Variants in STK3 observed in about 807,000 individuals in gnomAD.
STK3 encodes the protein serine/threonine kinase 3, also known as serine/threonine-protein kinase 3.
A neutral mutation model predicts 58.0 loss-of-function variants in STK3; 41 were observed. The ratio of observed to expected loss-of-function variants is 0.71; its 90% CI spans 0.55 to 0.92. The LOEUF is 0.92. Ranked by LOEUF, STK3 falls within the 40% of genes least tolerant of loss-of-function variation. The probability of loss-of-function intolerance (pLI) is 0.00; values close to 1 mark genes in which losing one functional copy is unlikely to be tolerated. For synonymous variants in STK3, 170 were observed against 191.0 expected (o/e 0.89, Z 0.91); for missense variants, 479 against 602.7 (o/e 0.79, Z 2.15).
intron 3 of STK3, among the ~76,000 whole-genome samples, chr8:98,846,848 C>T (rs1836224290): frequency 6.7e-6 from 1 of 149,696 alleles, no homozygotes; most frequent in South Asian, 2.1e-4. Context: ...CTAAACTATT[C>T]AGGATCCTAC....
chr8:98,826,627 T>G (rs537620002), upstream of STK3, among the ~76,000 whole-genome samples: 7 of 152,390 alleles, frequency 4.6e-5, no homozygotes, highest in Admixed American at 6.5e-5. Context: ...ATCTGACCAC[T>G]GCATGCATCC....
the STK3 span, among the ~76,000 whole-genome samples, chr8:98,364,981 G>GT: frequency 6.6e-6 from 1 of 151,862 alleles, no homozygotes; most frequent in Admixed American, 6.6e-5. Context: ...ATTTTACACT[G>GT]TTTTTCTCCT....
At chr8:98,797,364 C>G (rs1011508806) in intron 1 of STK3, among the ~76,000 whole-genome samples, 1 of 152,148 alleles carries the variant, frequency 6.6e-6, no homozygotes, top group African/African-American at 2.4e-5. Flanking sequence ...CCTTCTCTCT[C>G]TCTCCCTTAG....
intron 7 of STK3, 152 bp downstream of exon 7, chr8:98,595,880 A>T (rs1815782161): frequency 1.0e-5 from 8 of 769,678 alleles, no homozygotes; most frequent in Non-Finnish European, 1.5e-5. Context: ...AGGGGACGAG[A>T]GGGGAGGAAA....
intron 9 of STK3, among the ~76,000 whole-genome samples, chr8:98,537,837 A>G (rs1809896605): frequency 6.6e-6 from 1 of 152,158 alleles, no homozygotes; most frequent in Non-Finnish European, 1.5e-5. Flanking sequence ...TTTAAAGAAA[A>G]AGGTTGCTTT....
chr8:98,362,533 T>G, the STK3 span, among the ~76,000 whole-genome samples: 3 of 152,190 alleles, frequency 2.0e-5, no homozygotes, highest in African/African-American at 7.2e-5. Context: ...TGGGCGATAC[T>G]GTGGGGGGAC....
chr8:98,688,195 G>A (rs1231944344), intron 6 of STK3, among the ~76,000 whole-genome samples: 4 of 152,116 alleles, frequency 2.6e-5, no homozygotes, highest in African/African-American at 7.2e-5. Flanking sequence ...AATTTTTAAA[G>A]GGTTCAGTTA....
chr8:98,514,555 AC>A (rs1385120587), intron 10 of STK3, among the ~76,000 whole-genome samples: 1 of 151,730 alleles, frequency 6.6e-6, no homozygotes, highest in Non-Finnish European at 1.5e-5. Context: ...AAAAAAAAAA[AC>A]AGTGAAATCC....
intron 3 of STK3, among the ~76,000 whole-genome samples, chr8:98,844,095 A>G (rs1836103659): frequency 6.6e-6 from 1 of 152,206 alleles, no homozygotes; most frequent in Non-Finnish European, 1.5e-5. Context: ...GTTCAAGGCT[A>G]TGGTTGTGCC....
chr8:98,418,029 G>A (rs1448566497), intron 3 of STK3, among the ~76,000 whole-genome samples: 1 of 152,082 alleles, frequency 6.6e-6, no homozygotes, highest in African/African-American at 2.4e-5. Flanking sequence ...CCTGCCTCAG[G>A]TTCTCCAGTA....
chr8:98,845,685 C>A (rs1034852858), intron 3 of STK3, among the ~76,000 whole-genome samples: 1 of 142,748 alleles, frequency 7.0e-6, no homozygotes, highest in African/African-American at 2.4e-5. Context: ...TGGACTCTTG[C>A]AGTTGCTAAT....
intron 3 of STK3, among the ~76,000 whole-genome samples, chr8:98,847,658 C>T (rs1333802624): frequency 6.6e-6 from 1 of 152,050 alleles, no homozygotes; most frequent in African/African-American, 2.4e-5. Context: ...CTGGAGGAGG[C>T]CTGGGGGTCA....
intron 6 of STK3, among the ~76,000 whole-genome samples, chr8:98,636,762 GTTAAAA>G (rs1380112627): frequency 6.6e-6 from 1 of 152,070 alleles, no homozygotes; most frequent in Non-Finnish European, 1.5e-5. Context: ...AAGTCATATA[GTTAAAA>G]TTTAAAACAT....
chr8:98,833,733 T>C (rs781549823), intron 3 of STK3, among the ~76,000 whole-genome samples: 1 of 152,196 alleles, frequency 6.6e-6, no homozygotes, highest in Non-Finnish European at 1.5e-5. Flanking sequence ...ACTTCCTTCA[T>C]AACCTGAACT....
chr8:98,613,635 CCA>C (rs1438805707), intron 6 of STK3, among the ~76,000 whole-genome samples: 17 of 150,662 alleles, frequency 1.1e-4, no homozygotes, highest in African/African-American at 3.9e-4. Context: ...ATCAAGTAAC[CCA>C]CAGGAAGTAA....
chr8:98,543,902 T>C (rs747432527), intron 9 of STK3, among the ~76,000 whole-genome samples: 2 of 152,118 alleles, frequency 1.3e-5, no homozygotes, highest in Non-Finnish European at 2.9e-5. Flanking sequence ...AGATGAACAC[T>C]GAGACTGGAC....
Position 98,825,647 on chromosome 8 carries a change from T to C in STK3, c.-107A>G. On this transcript the variant is annotated 5_prime_UTR_variant, in exon 1 of 11. Transcript: ENST00000419617. The stretch of plus-strand genomic sequence containing the variant: ...CCTAGGGCACCACAGAGGGAAACTC[T>C]GGGAACTCGGACCAACTTTCCCGTA... 8.2e-7 allele frequency: 1 copy of C among 1,213,192 alleles called. No individual in the cohort carries two copies. The highest frequency in any genetic ancestry group is 3.8e-5 in the East Asian group (1 of 26,504). 75.2% of individuals were successfully genotyped at this position (1,213,192 alleles called of 1,614,324 possible).
the STK3 span, among the ~76,000 whole-genome samples, chr8:98,365,221 G>C: frequency 6.6e-6 from 1 of 152,228 alleles, no homozygotes; most frequent in African/African-American, 2.4e-5. Context: ...TTCCCAGCAA[G>C]ATCACTGGAG....
Position 98,720,765 on chromosome 8 carries a change from A to G in STK3, c.352-13454T>C, listed in dbSNP as rs564865756. On this transcript the variant is annotated intron_variant, in intron 4 of 10. Transcript: ENST00000419617. ...GACTCCGTCTCAAAAAAAAAAAAAA[A>G]AAAAGAAAAACTGGGGGTTTTGAGA... 1.7e-4 allele frequency among the ~76,000 whole-genome samples: 26 copies of G among 151,916 alleles called. 1 individual carries two copies. Among genetic ancestry groups the G allele is most frequent in the South Asian group, 6.2e-4 (3 of 4,814 alleles).
Sources: gnomAD v4.1 joint callset for allele counts (sites outside exome capture counted in the v4.1 genomes callset) on GRCh38, gnomAD v4.1.1 for gene constraint, MANE v1.5 for transcripts, NCBI Gene and HGNC (gene_info 2026-07-23, HGNC 2026-07-21) for gene names.